The following OOSP4B variants were observed in gnomAD, a reference collection of about 807,000 sequenced individuals.
OOSP4B encodes oocyte secreted protein family member 4B, also known as oocyte-secreted protein 4B.
At chr11:60,022,275 G>C (rs746047537) in intron 1 of OOSP4B, 2 of 152,170 alleles carry the variant, frequency 1.3e-5, no homozygotes, top group Non-Finnish European at 2.9e-5. Context: ...TTTCGACATG[G>C]ACCAAGAAGG....
chr11:60,020,503 C>T (rs549703145), intron 1 of OOSP4B, among the ~76,000 whole-genome samples: 23 of 152,326 alleles, frequency 1.5e-4, no homozygotes, highest in African/African-American at 4.1e-4. Flanking sequence ...GGCCAGCCGG[C>T]GGCTCCGAGT....
chr11:60,019,038 G>A (rs537189), intron 1 of OOSP4B, among the ~76,000 whole-genome samples: 19,634 of 151,826 alleles, frequency 0.13, 1,378 homozygotes, highest in South Asian at 0.27. Context: ...CCAATATGGC[G>A]AAACCCCGTC....
exon 3 of OOSP4B, chr11:60,024,923 G>A: frequency 2.5e-6 from 1 of 398,292 alleles, no homozygotes; most frequent in Admixed American, 4.4e-5. Flanking sequence ...CCAAACAAAT[G>A]ATGACGCCAT....
At chr11:60,020,479 C>CG (rs1349239976) in intron 1 of OOSP4B, among the ~76,000 whole-genome samples, 30 of 152,208 alleles carry the variant, frequency 2.0e-4, no homozygotes, top group Non-Finnish European at 3.2e-4. Context: ...CCTCACTGCC[C>CG]GGGTGGGGGC....
chr11:60,023,640 G>T (rs1413533431), intron 1 of OOSP4B, among the ~76,000 whole-genome samples: 2 of 152,042 alleles, frequency 1.3e-5, no homozygotes, highest in Non-Finnish European at 2.9e-5. Flanking sequence ...CACCATGTTG[G>T]CCAGGCTGGT....
intron 3 of OOSP4B, among the ~76,000 whole-genome samples, chr11:60,027,344 A>G (rs1854754637): frequency 1.3e-5 from 2 of 152,066 alleles, no homozygotes; most frequent in South Asian, 4.1e-4. Context: ...TTGGTTTTTT[A>G]AAGAACATGC....
intron 3 of OOSP4B, among the ~76,000 whole-genome samples, chr11:60,029,466 C>T (rs1854781965): frequency 6.6e-6 from 1 of 152,078 alleles, no homozygotes; most frequent in Non-Finnish European, 1.5e-5. Context: ...TGTGGCCTGG[C>T]TTGGTTGAGT....
At chr11:60,022,182 G>A (rs996692946) in intron 1 of OOSP4B, 2 of 151,900 alleles carry the variant, frequency 1.3e-5, no homozygotes, top group Admixed American at 1.3e-4. Context: ...TCTATCCTTG[G>A]GATACAAACA....
At chr11:60,018,141 G>T (rs1024827275) in intron 1 of OOSP4B, among the ~76,000 whole-genome samples, 1 of 152,334 alleles carries the variant, frequency 6.6e-6, no homozygotes, top group East Asian at 1.9e-4. Context: ...GAGAATAGTT[G>T]TTTGGTTCAG....
chr11:60,017,412 A>AGGTAGGT lies in OOSP4B; in HGVS notation c.22_22+6dup. On this transcript the variant is annotated frameshift_variant and splice_region_variant, in exon 1 of 5. Coordinates refer to ENST00000642343, the Ensembl canonical transcript of OOSP4B. LOFTEE classifies it high-confidence loss of function. ...GAGCAATGAAGACCTCTGTGCTCTT[A>AGGTAGGT]GGTAGGTCCTTCCTCTTTTCTTTAT... The AGGTAGGT allele has an allele frequency of 2.5e-6, 1 of 398,666 alleles. No homozygotes were observed. The highest frequency in any genetic ancestry group is 2.1e-5 in the African/African-American group (1 of 48,756). The allele number at this position is 398,666 out of a possible 1,614,324, so 24.7% of individuals were successfully genotyped here.
rs1854655713 is a variant in OOSP4B at position 60,019,021 on chromosome 11, A to G, written c.22+1608A>G. ...CACATGAGGTCAGGAGTTCGAGACC[A>G]GCCTGACCAATATGGCGAAACCCCG... is the stretch of plus-strand genomic sequence containing the variant. On this transcript the variant is annotated intron_variant, in intron 1 of 4. Transcript: ENST00000642343. Among the ~76,000 whole-genome samples the G allele has an allele frequency of 3.3e-5, 5 of 152,110 alleles. No individual in the cohort carries two copies. In the South Asian group the frequency reaches 1.0e-3, roughly 32 times the overall value.
intron 1 of OOSP4B, among the ~76,000 whole-genome samples, chr11:60,019,087 G>C (rs765142379): frequency 6.6e-6 from 1 of 152,098 alleles, no homozygotes; most frequent in Non-Finnish European, 1.5e-5. Context: ...GTCGGGCATG[G>C]TGGTGCGTGC....
At chr11:60,023,537 C>T (rs1266172437) in intron 1 of OOSP4B, among the ~76,000 whole-genome samples, 1 of 152,142 alleles carries the variant, frequency 6.6e-6, no homozygotes, top group Admixed American at 6.5e-5. Context: ...TGGGCTCAAG[C>T]AATTCTCCCA....
intron 1 of OOSP4B, chr11:60,022,052 ACTT>A (rs949782063): frequency 4.1e-5 from 5 of 121,952 alleles, no homozygotes; most frequent in African/African-American, 1.9e-4. Context: ...AAACAGCAGA[ACTT>A]CTTATTTAAT....
chr11:60,030,987 A>G, exon 5 of OOSP4B: 1 of 394,510 alleles, frequency 2.5e-6, no homozygotes, highest in Non-Finnish European at 4.5e-6. Flanking sequence ...AGTTTTGAAT[A>G]ACATATCTAT....
At chr11:60,030,704 C>T in intron 4 of OOSP4B, 98 bp from the exon 5 acceptor site, 3 of 396,902 alleles carry the variant, frequency 7.6e-6, no homozygotes, top group Non-Finnish European at 8.9e-6. Flanking sequence ...TTCCACATTA[C>T]TTCTAATTGA....
chr11:60,023,993 G>T (rs971469060), exon 2 of OOSP4B: 3 of 398,568 alleles, frequency 7.5e-6, no homozygotes, highest in Non-Finnish European at 8.8e-6. Flanking sequence ...TAACTGTCCT[G>T]TAACAAGACT....
intron 1 of OOSP4B, among the ~76,000 whole-genome samples, chr11:60,018,870 T>A (rs509324): frequency 0.13 from 20,276 of 152,120 alleles, 1,494 homozygotes; most frequent in South Asian, 0.27. Flanking sequence ...AAGTGTACTT[T>A]AGTCACATTA....
At chr11:60,017,550 AT>A (rs891067956) in intron 1 of OOSP4B, 137 bp downstream of exon 1, 5,235 of 300,060 alleles carry the variant, frequency 0.017, 5 homozygotes, top group Middle Eastern at 0.023. Context: ...AAAAGCTGAG[AT>A]TTTTTTTTTT....
Sources: gnomAD v4.1 joint callset for allele counts (sites outside exome capture counted in the v4.1 genomes callset) on GRCh38, gnomAD v4.1.1 for gene constraint, MANE v1.5 for transcripts, NCBI Gene and HGNC (gene_info 2026-07-23, HGNC 2026-07-21) for gene names.